The following FSTL4 variants were observed in gnomAD, a reference collection of about 807,000 sequenced individuals.
FSTL4 encodes follistatin like 4.
In FSTL4, 28 loss-of-function variants were observed where a neutral mutation model predicts 78.2. The ratio of observed to expected loss-of-function variants is 0.36; its 90% CI spans 0.27 to 0.49. The LOEUF (loss-of-function observed/expected upper bound fraction) is 0.49, where lower values mean the gene tolerates loss of function less well. Ranked by LOEUF, FSTL4 falls within the 20% of genes least tolerant of loss-of-function variation. FSTL4 has a pLI of 0.98. For synonymous variants in FSTL4, 422 were observed against 440.5 expected (o/e 0.96, Z 0.53); for missense variants, 922 against 1,084.9 (o/e 0.85, Z 2.11).
At chr5:133,744,888 A>G in the FSTL4 span, among the ~76,000 whole-genome samples, 20 of 152,298 alleles carry the variant, frequency 1.3e-4, no homozygotes, top group African/African-American at 4.6e-4. Context: ...ATGTATTGAA[A>G]AGTAAAGTGA....
the FSTL4 span, among the ~76,000 whole-genome samples, chr5:133,646,972 G>C: frequency 6.6e-6 from 1 of 152,164 alleles, no homozygotes; most frequent in Admixed American, 6.5e-5. Context: ...TGGTCACCTA[G>C]ATTTAATCAC....
intron 3 of FSTL4, among the ~76,000 whole-genome samples, chr5:133,454,833 C>T (rs1458715322): frequency 1.3e-5 from 2 of 152,126 alleles, no homozygotes; most frequent in Admixed American, 1.3e-4. Context: ...CAGACCAGGC[C>T]TGCAATTTCT....
intron 4 of FSTL4, among the ~76,000 whole-genome samples, chr5:133,397,999 G>A (rs1756114877): frequency 6.6e-6 from 1 of 152,102 alleles, no homozygotes; most frequent in African/African-American, 2.4e-5. Flanking sequence ...TGCCATTGTG[G>A]GGTGGGGACT....
chr5:133,613,878 C>G (rs1761156044), upstream of FSTL4, among the ~76,000 whole-genome samples: 2 of 152,206 alleles, frequency 1.3e-5, no homozygotes, highest in African/African-American at 4.8e-5. Context: ...GGGCCCTAGC[C>G]AGTGTGATCC....
chr5:133,456,892 T>G (rs1757504892), intron 3 of FSTL4, among the ~76,000 whole-genome samples: 1 of 152,206 alleles, frequency 6.6e-6, no homozygotes, highest in Non-Finnish European at 1.5e-5. Flanking sequence ...CCAGGAAACC[T>G]GTCTGCTTCC....
the FSTL4 span, among the ~76,000 whole-genome samples, chr5:133,649,616 G>C: frequency 1.3e-5 from 2 of 152,104 alleles, no homozygotes; most frequent in Admixed American, 6.6e-5. Context: ...ACATGATATG[G>C]AGCTTGTTTT....
chr5:133,332,865 A>C (rs766202003), intron 4 of FSTL4, among the ~76,000 whole-genome samples: 1 of 151,980 alleles, frequency 6.6e-6, no homozygotes, highest in African/African-American at 2.4e-5. Context: ...TGAGGATAAC[A>C]CTCTGGTAAG....
At chr5:133,586,292 C>T (rs1249175759) in intron 2 of FSTL4, among the ~76,000 whole-genome samples, 2 of 95,556 alleles carry the variant, frequency 2.1e-5, no homozygotes, top group African/African-American at 3.6e-5. Flanking sequence ...CAGAGCAGAA[C>T]TGAAGGAAAT....
At chr5:133,518,738 G>A (rs1758913067) in intron 3 of FSTL4, among the ~76,000 whole-genome samples, 1 of 152,138 alleles carries the variant, frequency 6.6e-6, no homozygotes, top group Admixed American at 6.5e-5. Flanking sequence ...AAGCTTGGTT[G>A]GGAGATACAT....
intron 14 of FSTL4, among the ~76,000 whole-genome samples, chr5:133,208,938 T>C (rs896884722): frequency 2.0e-5 from 3 of 152,246 alleles, no homozygotes; most frequent in African/African-American, 7.2e-5. Flanking sequence ...CCCAAAGTGC[T>C]GGGATTACAG....
At chr5:133,615,040 A>T (rs1012333864), upstream of FSTL4, among the ~76,000 whole-genome samples, 1 of 152,224 alleles carries the variant, frequency 6.6e-6, no homozygotes, top group South Asian at 2.1e-4. Context: ...GTCTCTTAGG[A>T]CATTTCAGAT....
At chr5:133,835,429 C>T in the FSTL4 span, among the ~76,000 whole-genome samples, 2 of 152,244 alleles carry the variant, frequency 1.3e-5, no homozygotes, top group South Asian at 2.1e-4. Context: ...CCAAAATGGA[C>T]GTTTGGCATT....
At chr5:133,636,769 T>C in the FSTL4 span, among the ~76,000 whole-genome samples, 1 of 152,216 alleles carries the variant, frequency 6.6e-6, no homozygotes, top group Non-Finnish European at 1.5e-5. Context: ...ATGATTTTAA[T>C]AGATGGACTA....
Position 133,210,215 on chromosome 5 carries a change from C to T in FSTL4, c.1692G>A (p.Val564=). Residue 564 remains valine, a synonymous_variant, in exon 14 of 16, where the codon GTG becomes GTA. Coordinates refer to ENST00000265342, the MANE Select transcript of FSTL4 (RefSeq NM_015082.2). ...CCTGGAGACTTGGTCGGGACTTGTG[C>T]ACGTCCCCCCAGCTCAGGACCCACA... ...DQVWVLSWGD[V]HKSRPSLQVI... is the part of the protein sequence containing the mutation. 1.2e-6 allele frequency: 2 copies of T among 1,608,338 alleles called. No homozygotes were observed. Among genetic ancestry groups the T allele is most frequent in the Non-Finnish European group, 1.7e-6 (2 of 1,174,892 alleles).
chr5:133,835,524 G>A, the FSTL4 span, among the ~76,000 whole-genome samples: 4 of 152,220 alleles, frequency 2.6e-5, no homozygotes, highest in Non-Finnish European at 4.4e-5. Flanking sequence ...ACACTTGGAT[G>A]TAGCAGTATA....
intron 6 of FSTL4, among the ~76,000 whole-genome samples, chr5:133,269,025 C>CA (rs559544353): frequency 2.0e-5 from 3 of 151,598 alleles, no homozygotes; most frequent in Non-Finnish European, 4.4e-5. Context: ...ACTAAAAATA[C>CA]AAAAAAATTA....
At chr5:133,404,590 T>C (rs918168668) in intron 3 of FSTL4, among the ~76,000 whole-genome samples, 3 of 152,204 alleles carry the variant, frequency 2.0e-5, no homozygotes, top group African/African-American at 7.2e-5. Flanking sequence ...CAGTTGGTGC[T>C]GAAGACTCCC....
At chr5:133,345,583 T>G in intron 4 of FSTL4, among the ~76,000 whole-genome samples, 1 of 152,212 alleles carries the variant, frequency 6.6e-6, no homozygotes, top group Non-Finnish European at 1.5e-5. Flanking sequence ...TTAGTCCATC[T>G]TGAATTAATT....
intron 4 of FSTL4, among the ~76,000 whole-genome samples, chr5:133,330,757 A>G (rs1375971169): frequency 6.6e-6 from 1 of 152,230 alleles, no homozygotes; most frequent in East Asian, 1.9e-4. Flanking sequence ...GATTTGCTAT[A>G]AAAAGGTGGC....
Sources: gnomAD v4.1 joint callset for allele counts (sites outside exome capture counted in the v4.1 genomes callset) on GRCh38, gnomAD v4.1.1 for gene constraint, MANE v1.5 for transcripts, NCBI Gene and HGNC (gene_info 2026-07-23, HGNC 2026-07-21) for gene names.